The following GPR155 variants were observed in gnomAD, a reference collection of about 807,000 sequenced individuals.
GPR155 encodes the protein lysosomal cholesterol signaling protein.
A neutral mutation model predicts 93.1 loss-of-function variants in GPR155; 65 were observed. That is an observed-to-expected ratio of 0.70 (90% confidence interval 0.57 to 0.86). GPR155 has a LOEUF of 0.86. Among genes scored for constraint, GPR155 ranks in the 40% least tolerant of loss-of-function variants. GPR155 has a pLI of 0.00. For synonymous variants in GPR155, 319 were observed against 360.1 expected, an observed-to-expected ratio of 0.89 and a Z score of 1.29; for missense variants, 838 against 1,034.8, an observed-to-expected ratio of 0.81 and a Z score of 2.61.
At chr2:174,486,515 GA>G (rs1306259368) in intron 1 of GPR155, among the ~76,000 whole-genome samples, 1 of 152,246 alleles carries the variant, frequency 6.6e-6, no homozygotes, top group Non-Finnish European at 1.5e-5. Context: ...TGCCTGGGCA[GA>G]AGCCTTCGGA....
intron 9 of GPR155, among the ~76,000 whole-genome samples, chr2:174,460,931 A>C (rs1687673539): frequency 6.6e-6 from 1 of 152,218 alleles, no homozygotes; most frequent in African/African-American, 2.4e-5. Flanking sequence ...AATTATGTGG[A>C]GAGGCTTTTT....
At chr2:174,437,348 G>T (rs1686815114) in intron 15 of GPR155, among the ~76,000 whole-genome samples, 1 of 152,000 alleles carries the variant, frequency 6.6e-6, no homozygotes, top group Admixed American at 6.6e-5. Context: ...CACCATAAAT[G>T]AATATTCATT....
intron 2 of GPR155, among the ~76,000 whole-genome samples, chr2:174,475,267 C>A: frequency 8.1e-6 from 1 of 123,164 alleles, no homozygotes; most frequent in African/African-American, 3.3e-5. Flanking sequence ...TGCACTCCAG[C>A]CTGGGCGACA....
At chr2:174,476,211 T>C (rs925632884) in intron 2 of GPR155, among the ~76,000 whole-genome samples, 21 of 152,314 alleles carry the variant, frequency 1.4e-4, no homozygotes, top group African/African-American at 5.1e-4. Flanking sequence ...CTCAACCACC[T>C]TCTTCATCCA....
In GPR155 at chr2:174,473,333, T is replaced by G. The variant is rs1421784038; in HGVS notation, c.492A>C (p.Glu164Asp). The G allele has an allele frequency of 2.5e-6, 4 of 1,597,922 alleles. No homozygotes were observed. The highest frequency in any genetic ancestry group is 3.4e-6 in the Non-Finnish European group (4 of 1,171,870). ...CCACCAAATAAATGTACTGGAGATA[T>G]TCTGGGTATGTAGTTTGATATAAAG... Reference protein sequence around the residue: ...VEALYQTTYPEYLQYIYLVAP... With the variant: ...VEALYQTTYPDYLQYIYLVAP... The change falls in exon 3 of 16, where the codon GAA becomes GAC. Residue 164 changes from glutamate (E) to aspartate (D), a missense_variant. This residue lies in a region of GPR155 where 663 missense variants were observed against 790.1 expected (regional missense o/e 0.84). Coordinates refer to ENST00000392552, the MANE Select transcript of GPR155 (RefSeq NM_152529.7).
rs867544738 is a variant in GPR155, at chr2:174,459,965, CTT to C, written c.1682_1683del (p.Lys561SerfsTer10). ...YEGFDQSQSHKVVEPGNTAFE... is the reference protein window; with the variant it reads ...YEGFDQSQSHXVVEPGNTAFE... ...AAAGCAGTATTTCCAGGCTCCACCA[CTT>C]TGTGGCTCTGAGACTGATCGAAACC... On this transcript the variant is annotated frameshift_variant, in exon 10 of 16. Coordinates refer to ENST00000392552, the MANE Select transcript of GPR155 (RefSeq NM_152529.7). LOFTEE classifies it high-confidence loss of function. 1 of 1,614,148 alleles carries C rather than the reference CTT, an allele frequency of 6.2e-7. No homozygotes were observed. Among genetic ancestry groups the C allele is most frequent in the Admixed American group, 1.7e-5 (1 of 60,014 alleles).
intron 13 of GPR155, among the ~76,000 whole-genome samples, chr2:174,442,802 A>C (rs1168485268): frequency 6.6e-6 from 1 of 152,210 alleles, no homozygotes; most frequent in East Asian, 1.9e-4. Flanking sequence ...AGAATGGAGA[A>C]TGCAGAAGGA....
rs1688501514 is a variant in GPR155, at chr2:174,486,939, GAGA to G, written c.-101_-99del. 6.6e-6 allele frequency: 1 copy of G among 152,646 alleles called. No individual in the cohort carries two copies. Among genetic ancestry groups the G allele is most frequent in the East Asian group, 1.9e-4 (1 of 5,186 alleles). The allele number at this position is 152,646 out of a possible 1,614,324, so 9.5% of individuals were successfully genotyped here. ...TGGTGCTCGCAGGGTGCCAAGCAGGGAGAAGACCACCGTCATCTCCCGCCCCCA... is the reference window on the plus strand; with the variant it reads ...TGGTGCTCGCAGGGTGCCAAGCAGGGAGACCACCGTCATCTCCCGCCCCCA... On this transcript the variant is annotated 5_prime_UTR_variant, in exon 1 of 16. Transcript: ENST00000392552.
intron 7 of GPR155, among the ~76,000 whole-genome samples, chr2:174,462,932 G>A (rs553694449): frequency 6.6e-6 from 1 of 152,276 alleles, no homozygotes; most frequent in African/African-American, 2.4e-5. Context: ...ATGTGGAAAT[G>A]AGGGTTTGCC....
intron 2 of GPR155, among the ~76,000 whole-genome samples, chr2:174,475,392 C>T (rs545745981): frequency 2.7e-5 from 4 of 149,684 alleles, no homozygotes; most frequent in South Asian, 2.1e-4. Flanking sequence ...TTTACTTACT[C>T]AGGATATGTA....
At chr2:174,457,458 T>C (rs190040443) in intron 10 of GPR155, among the ~76,000 whole-genome samples, 36 of 152,344 alleles carry the variant, frequency 2.4e-4, no homozygotes, top group Admixed American at 2.3e-3. Flanking sequence ...ACTGAAGTCC[T>C]GTCTTAGACT....
At chr2:174,467,209 T>C (rs953298196) in intron 5 of GPR155, among the ~76,000 whole-genome samples, 1 of 150,730 alleles carries the variant, frequency 6.6e-6, no homozygotes, top group Non-Finnish European at 1.5e-5. Context: ...AAAAAAAAAC[T>C]AATGCCTTGG....
Position 174,459,983 on chromosome 2 carries a change from G to A in GPR155, c.1666C>T (p.Gln556Ter). Residue 556 changes from glutamine to a stop codon, truncating the protein, a stop_gained, in exon 10 of 16, where the codon CAG (glutamine) becomes TAG (stop). Coordinates refer to ENST00000392552, the MANE Select transcript of GPR155 (RefSeq NM_152529.7). LOFTEE classifies it high-confidence loss of function. ...AQAGSYEGFD[Q>*]SQSHKVVEPG... ...TCCACCACTTTGTGGCTCTGAGACT[G>A]ATCGAAACCTTCATAGCTTCCTGCT... The A allele has an allele frequency of 6.2e-7, 1 of 1,613,986 alleles. No individual in the cohort carries two copies. Among genetic ancestry groups the A allele is most frequent in the Non-Finnish European group, 8.5e-7 (1 of 1,179,902 alleles).
At chr2:174,438,172 T>C (rs1265596575) in intron 15 of GPR155, among the ~76,000 whole-genome samples, 3 of 151,886 alleles carry the variant, frequency 2.0e-5, no homozygotes, top group East Asian at 4.0e-4. Flanking sequence ...CCCAGGAGAT[T>C]GGGGCTGCAG....
In GPR155 at chr2:174,481,729, A is replaced by C. The variant is rs781058916; in HGVS notation, c.228T>G (p.Phe76Leu). The C allele has an allele frequency of 1.9e-6, 3 of 1,614,122 alleles. No individual in the cohort carries two copies. Among genetic ancestry groups the C allele is most frequent in the Non-Finnish European group, 2.5e-6 (3 of 1,179,974 alleles). The stretch of plus-strand genomic sequence containing the variant: ...AAGCTGGAAGTGCAAATCTGGAGAC[A>C]AAATTTCCTAGTCCTTTGGCCTGGG... ...TSTQAKGLGN[F>L]VSRFALPALL... The change falls in exon 2 of 16, where the codon TTT becomes TTG. Residue 76 changes from phenylalanine to leucine, a missense_variant. By Grantham distance (22) the Phe-to-Leu change is conservative. Transcript: ENST00000392552.
chr2:174,459,728 C>T lies in GPR155; in HGVS notation c.1771+150G>A, dbSNP rs1687625412. 11 of 591,946 alleles carry T rather than the reference C, an allele frequency of 1.9e-5. No individual in the cohort carries two copies. The South Asian group carries it at 2.3e-4, about 12-fold the overall frequency. 36.7% of individuals were successfully genotyped at this position (591,946 alleles called of 1,614,324 possible). A position where few individuals can be genotyped will look rare whatever the true frequency, so the allele number is the denominator to read the frequency against. Reference sequence around the variant, plus strand: ...GGCATGGTGGCAGGCACCTGTAGTCCTAGCTACTCTGGAGGCTCAGGTGGC... The same window carrying T: ...GGCATGGTGGCAGGCACCTGTAGTCTTAGCTACTCTGGAGGCTCAGGTGGC... On this transcript the variant is annotated intron_variant, in intron 10 of 15. Transcript: ENST00000392552.
chr2:174,448,522 TG>T (rs1224759706), intron 11 of GPR155, among the ~76,000 whole-genome samples: 2,763 of 113,336 alleles, frequency 0.024, 176 homozygotes, highest in African/African-American at 0.095. Context: ...TTTTGTTTTT[TG>T]TTTTTTGTTT....
At chr2:174,445,877 G>C (rs1182447933) in intron 12 of GPR155, among the ~76,000 whole-genome samples, 3 of 150,968 alleles carry the variant, frequency 2.0e-5, no homozygotes, top group Admixed American at 6.6e-5. Flanking sequence ...AATATGTTCT[G>C]AGAGGTTTTT....
chr2:174,470,398 C>T lies in GPR155; in HGVS notation c.1018G>A (p.Val340Ile), dbSNP rs1468972571. Residue 340 changes from valine (V) to isoleucine (I), a missense_variant, in exon 4 of 16, where the codon GTA becomes ATA. By Grantham distance (29) the Val-to-Ile change is conservative. Coordinates refer to ENST00000392552, the MANE Select transcript of GPR155 (RefSeq NM_152529.7). The stretch of plus-strand genomic sequence containing the variant: ...AAGTACTATATACATACAATTTCTA[C>T]TTCCATGTTGAATTGTGTTGCAAAG... The part of the protein sequence containing the change: ...AIFATQFNME[V>I]EIITSGMVIS... 1.2e-6 allele frequency: 2 copies of T among 1,612,098 alleles called. No homozygotes were observed. Among genetic ancestry groups the T allele is most frequent in the South Asian group, 2.2e-5 (2 of 90,984 alleles).
Sources: gnomAD v4.1 joint callset for allele counts (sites outside exome capture counted in the v4.1 genomes callset) on GRCh38, gnomAD v4.1.1 for gene constraint, gnomAD v4.1.1 regional missense constraint, MANE v1.5 for transcripts, NCBI Gene and HGNC (gene_info 2026-07-23, HGNC 2026-07-21) for gene names.